The following ECT2 variants were observed in gnomAD, a reference collection of about 807,000 sequenced individuals.
ECT2 encodes the protein epithelial cell transforming 2, also known as protein ECT2.
ECT2 carries 61 observed loss-of-function variants against 116.9 expected under a neutral mutation model. The ratio of observed to expected loss-of-function variants is 0.52; its 90% CI spans 0.42 to 0.65. The LOEUF (loss-of-function observed/expected upper bound fraction) is 0.65. Among genes scored for constraint, ECT2 ranks in the 30% least tolerant of loss-of-function variants. ECT2 has a pLI of 0.00. For synonymous variants in ECT2, 358 were observed against 346.4 expected, an observed-to-expected ratio of 1.03 and a Z score of -0.37; for missense variants, 937 against 1,078.7, an observed-to-expected ratio of 0.87 and a Z score of 1.84.
chr3:172,788,135 T>A (rs1490966758), intron 18 of ECT2, among the ~76,000 whole-genome samples: 3 of 152,174 alleles, frequency 2.0e-5, no homozygotes, highest in Non-Finnish European at 2.9e-5. Context: ...TTTTACCAGA[T>A]CTAAATTCTC....
At chr3:172,818,996 T>A (rs1177790161) in intron 24 of ECT2, among the ~76,000 whole-genome samples, 1 of 152,132 alleles carries the variant, frequency 6.6e-6, no homozygotes. Context: ...ATAAGTTCCA[T>A]TAGAAATTTT....
intron 5 of ECT2, 116 bp from the exon 6 acceptor site, chr3:172,758,864 T>C: frequency 1.2e-6 from 1 of 850,508 alleles, no homozygotes; most frequent in Non-Finnish European, 1.8e-6. Context: ...CAGTAAATCT[T>C]TGGATTGGGA....
At chr3:172,763,093 T>G (rs1250246655) in intron 11 of ECT2, 121 bp downstream of exon 11, 1 of 948,472 alleles carries the variant, frequency 1.1e-6, no homozygotes, top group Non-Finnish European at 1.6e-6. Flanking sequence ...ACAATTGGGA[T>G]ATCAAGTTAT....
chr3:172,775,033 G>A (rs972148651), intron 14 of ECT2, among the ~76,000 whole-genome samples: 4 of 152,210 alleles, frequency 2.6e-5, no homozygotes, highest in Non-Finnish European at 5.9e-5. Flanking sequence ...GTAGGTAAAT[G>A]CCAAAAGTAT....
chr3:172,778,433 C>T (rs1007848991), intron 14 of ECT2, among the ~76,000 whole-genome samples: 1 of 151,962 alleles, frequency 6.6e-6, no homozygotes. Context: ...ACTGAGTCCC[C>T]CTTTCTAATG....
In ECT2 at chr3:172,786,515, T is replaced by C; in HGVS notation, c.1848T>C (p.Asp616=). Residue 616 remains aspartate, a synonymous_variant, in exon 18 of 25, where the codon GAT becomes GAC. Coordinates refer to ENST00000392692, the MANE Select transcript of ECT2 (RefSeq NM_001258315.2). Reference sequence around the variant, plus strand: ...CAGATCTTAAGAAGCATACAGCTGATGAAAATCCAGACAAAAGCACTTTAG... The same window carrying C: ...CAGATCTTAAGAAGCATACAGCTGACGAAAATCCAGACAAAAGCACTTTAG... The part of the protein sequence containing the change: ...LLNDLKKHTA[D]ENPDKSTLEK... The C allele has an allele frequency of 6.2e-7, 1 of 1,610,640 alleles. No homozygotes were observed. Among genetic ancestry groups the C allele is most frequent in the Non-Finnish European group, 8.5e-7 (1 of 1,177,690 alleles).
rs1393696186 is a variant in ECT2, at chr3:172,807,837, C to T, written c.2313C>T (p.Phe771=). Residue 771 remains phenylalanine (F), a synonymous_variant, in exon 22 of 25, where the codon TTC becomes TTT. Coordinates refer to ENST00000392692, the MANE Select transcript of ECT2 (RefSeq NM_001258315.2). The stretch of plus-strand genomic sequence containing the variant: ...AGCAGGCAAATGTGCTACTCAGTTT[C>T]CAGATGACATCAGATGAACTTCCAA... The part of the protein sequence containing the change: ...PTEQANVLLS[F]QMTSDELPKE... 15 of 1,613,808 alleles carry T rather than the reference C, an allele frequency of 9.3e-6. No homozygotes were observed. The highest frequency in any genetic ancestry group is 1.3e-5 in the African/African-American group (1 of 74,906).
chr3:172,819,374 G>A (rs1300294074), intron 24 of ECT2, among the ~76,000 whole-genome samples: 1 of 152,016 alleles, frequency 6.6e-6, no homozygotes, highest in African/African-American at 2.4e-5. Flanking sequence ...GTCTTTGCAT[G>A]TTATTTGTTA....
intron 14 of ECT2, among the ~76,000 whole-genome samples, chr3:172,775,808 A>G (rs776001695): frequency 4.6e-5 from 7 of 151,850 alleles, no homozygotes; most frequent in Non-Finnish European, 8.8e-5. Flanking sequence ...TAATTTTTGT[A>G]TATTTAGTGG....
At chr3:172,818,563 T>A (rs1268421917) in intron 24 of ECT2, 20 of 1,280,036 alleles carry the variant, frequency 1.6e-5, no homozygotes, top group Non-Finnish European at 2.0e-5. Flanking sequence ...CCATTCTGTT[T>A]CCACAAGCAA....
chr3:172,755,255 T>C, intron 2 of ECT2, 40 bp from the exon 3 acceptor site: 1 of 1,503,476 alleles, frequency 6.7e-7, no homozygotes. Flanking sequence ...ATTGTGATGT[T>C]AATACATGAT....
intron 17 of ECT2, among the ~76,000 whole-genome samples, chr3:172,786,135 C>T (rs1002987252): frequency 1.3e-5 from 2 of 152,034 alleles, no homozygotes; most frequent in Non-Finnish European, 2.9e-5. Context: ...CCATGGGCCC[C>T]AGTATGAAAT....
intron 18 of ECT2, among the ~76,000 whole-genome samples, chr3:172,801,022 T>G (rs1424904805): frequency 6.6e-6 from 1 of 152,228 alleles, no homozygotes; most frequent in Non-Finnish European, 1.5e-5. Context: ...TTCATGTTTT[T>G]GCTTAAAATG....
At chr3:172,784,514 A>T (rs575729198) in intron 16 of ECT2, among the ~76,000 whole-genome samples, 193 bp from the exon 17 acceptor site, 1 of 152,248 alleles carries the variant, frequency 6.6e-6, no homozygotes, top group East Asian at 1.9e-4. Flanking sequence ...TAAGATGTTA[A>T]CCACTGGCTG....
chr3:172,764,208 A>G, intron 11 of ECT2, 70 bp from the exon 12 acceptor site: 1 of 1,344,072 alleles, frequency 7.4e-7, no homozygotes, highest in Non-Finnish European at 1.0e-6. Flanking sequence ...TTGTAAATAT[A>G]TTTTTCTCTT....
At chr3:172,785,068 A>G (rs1030752281) in intron 17 of ECT2, among the ~76,000 whole-genome samples, 6 of 152,172 alleles carry the variant, frequency 3.9e-5, no homozygotes, top group African/African-American at 1.4e-4. Context: ...TGTGTCACTA[A>G]TTCAAAATCA....
rs757039975 is a variant in ECT2 at position 172,784,788 on chromosome 3, G to A, written c.1810G>A (p.Ala604Thr). 6.2e-7 allele frequency: 1 copy of A among 1,601,934 alleles called. No homozygotes were observed. The highest frequency in any genetic ancestry group is 8.5e-7 in the Non-Finnish European group (1 of 1,170,524). Residue 604 changes from alanine to threonine, a missense_variant, in exon 17 of 25, where the codon GCA becomes ACA. Transcript: ENST00000392692. The part of the protein sequence containing the change: ...IRPVQRLPSV[A>T]LLLNDLKKHT... Reference sequence around the variant, plus strand: ...ACCAGTACAGAGGTTACCCAGTGTTGCATTACTTTTAAATGGTACTTGTCT... The same window carrying A: ...ACCAGTACAGAGGTTACCCAGTGTTACATTACTTTTAAATGGTACTTGTCT...
chr3:172,809,483 C>CT (rs1228367689), intron 22 of ECT2, among the ~76,000 whole-genome samples: 2 of 151,844 alleles, frequency 1.3e-5, no homozygotes, highest in Non-Finnish European at 2.9e-5. Flanking sequence ...TGGTTGAGCC[C>CT]TTTCCTGCGT....
At chr3:172,772,456 A>G (rs1720840236) in intron 13 of ECT2, among the ~76,000 whole-genome samples, 1 of 152,184 alleles carries the variant, frequency 6.6e-6, no homozygotes, top group African/African-American at 2.4e-5. Flanking sequence ...TCGGCCTCTC[A>G]CAGTGCTGGG....
Sources: allele counts gnomAD v4.1 joint callset (sites outside exome capture counted in the v4.1 genomes callset), GRCh38; gene constraint gnomAD v4.1.1; transcripts MANE v1.5; gene names NCBI Gene and HGNC (gene_info 2026-07-23, HGNC 2026-07-21).